Variants in CSTF3 observed in about 807,000 individuals in gnomAD.
The protein encoded by CSTF3 is CF-1 77 kDa subunit.
CSTF3 carries 29 observed loss-of-function variants against 105.8 expected under a neutral mutation model. That is an observed-to-expected ratio of 0.27 (90% CI 0.20 to 0.37). CSTF3 has a LOEUF of 0.37. Among genes scored for constraint, CSTF3 ranks in the 10% least tolerant of loss-of-function variants. The pLI is 1.00. For synonymous variants in CSTF3, 252 were observed against 281.9 expected (o/e 0.89, Z 1.06); for missense variants, 357 against 879.3 (o/e 0.41, Z 7.51).
intron 8 of CSTF3, among the ~76,000 whole-genome samples, chr11:33,103,784 T>A (rs183819155): frequency 6.6e-5 from 10 of 151,840 alleles, no homozygotes; most frequent in Non-Finnish European, 1.3e-4. Flanking sequence ...AAAAAAAAAA[T>A]ATGTACAGAT....
At chr11:33,135,373 T>C (rs1855642997) in intron 3 of CSTF3, among the ~76,000 whole-genome samples, 1 of 152,122 alleles carries the variant, frequency 6.6e-6, no homozygotes, top group South Asian at 2.1e-4. Flanking sequence ...AACTATAAAA[T>C]TTACTGACAG....
At chr11:33,123,789 A>G (rs1855516946) in intron 3 of CSTF3, among the ~76,000 whole-genome samples, 1 of 152,086 alleles carries the variant, frequency 6.6e-6, no homozygotes, top group Admixed American at 6.5e-5. Context: ...GATTCTGAAC[A>G]TTGTCTCTGA....
chr11:33,148,357 T>G (rs908342710), intron 1 of CSTF3, among the ~76,000 whole-genome samples: 19 of 152,182 alleles, frequency 1.2e-4, no homozygotes, highest in African/African-American at 4.3e-4. Context: ...TATCAATATT[T>G]TTTAAAAACT....
chr11:33,145,156 G>C (rs1855765898), intron 1 of CSTF3, among the ~76,000 whole-genome samples: 1 of 152,128 alleles, frequency 6.6e-6, no homozygotes, highest in Admixed American at 6.5e-5. Context: ...AATGCAGCCG[G>C]ATGCAGAGGC....
chr11:33,117,650 T>C (rs1470785089), intron 3 of CSTF3, among the ~76,000 whole-genome samples: 1 of 109,544 alleles, frequency 9.1e-6, no homozygotes, highest in Non-Finnish European at 2.0e-5. Flanking sequence ...TATACTATAC[T>C]GCTCTCAGCA....
chr11:33,134,573 T>C (rs1168338422), intron 3 of CSTF3: 1 of 152,190 alleles, frequency 6.6e-6, no homozygotes. Context: ...TCATTTTGGA[T>C]ATTTAAGTTT....
chr11:33,156,136 A>G (rs1252160118), intron 1 of CSTF3, among the ~76,000 whole-genome samples: 1 of 152,242 alleles, frequency 6.6e-6, no homozygotes, highest in Non-Finnish European at 1.5e-5. Flanking sequence ...CAGTTTCCTA[A>G]GAAATATCAA....
chr11:33,161,255 T>A, intron 1 of CSTF3, 44 bp downstream of exon 1: 1 of 1,610,636 alleles, frequency 6.2e-7, no homozygotes, highest in Non-Finnish European at 8.5e-7. Flanking sequence ...GGAACAGACG[T>A]GGAGAAGAGG....
intron 3 of CSTF3, among the ~76,000 whole-genome samples, chr11:33,138,774 T>C (rs1213022730): frequency 6.6e-6 from 1 of 151,734 alleles, no homozygotes; most frequent in African/African-American, 2.4e-5. Flanking sequence ...GAATAAAGAG[T>C]AGAACAATGT....
intron 17 of CSTF3, among the ~76,000 whole-genome samples, chr11:33,089,358 AAGAC>A (rs956099060): frequency 3.3e-5 from 5 of 151,964 alleles, no homozygotes; most frequent in Non-Finnish European, 7.4e-5. Context: ...AAAAAAAAAA[AAGAC>A]AGAAACGATG....
At chr11:33,120,271 GGAAA>G (rs1252721711) in intron 3 of CSTF3, among the ~76,000 whole-genome samples, 10 of 151,142 alleles carry the variant, frequency 6.6e-5, no homozygotes, top group African/African-American at 2.4e-4. Context: ...GCTACCATGT[GGAAA>G]AAACAAGCTA....
intron 3 of CSTF3, among the ~76,000 whole-genome samples, chr11:33,117,088 A>T (rs910866115): frequency 6.6e-6 from 1 of 152,034 alleles, no homozygotes; most frequent in African/African-American, 2.4e-5. Flanking sequence ...TTAAAGATGC[A>T]TATTTGTCAT....
At chr11:33,126,993 T>G (rs1855549749) in intron 3 of CSTF3, among the ~76,000 whole-genome samples, 1 of 152,188 alleles carries the variant, frequency 6.6e-6, no homozygotes. Context: ...AGTTAACATT[T>G]TTGTAGATCT....
intron 5 of CSTF3, 91 bp downstream of exon 5, chr11:33,107,812 C>A (rs973787228): frequency 2.7e-5 from 18 of 674,816 alleles, no homozygotes; most frequent in African/African-American, 5.6e-5. Flanking sequence ...ATAATTCTTC[C>A]CACTTGGGGC....
intron 1 of CSTF3, among the ~76,000 whole-genome samples, chr11:33,159,726 T>C (rs1172422448): frequency 1.3e-5 from 2 of 151,784 alleles, no homozygotes; most frequent in African/African-American, 2.4e-5. Flanking sequence ...TGAGCTGTGA[T>C]GGCGTCACAG....
Position 33,092,357 on chromosome 11 carries a change from G to T in CSTF3, c.1376-17C>A, listed in dbSNP as rs771452356. 3.4e-6 allele frequency: 5 copies of T among 1,473,118 alleles called. No homozygotes were observed. Among genetic ancestry groups the T allele is most frequent in the East Asian group, 2.5e-5 (1 of 40,126 alleles). 91.3% of individuals were successfully genotyped at this position (1,473,118 alleles called of 1,614,324 possible). A position where few individuals can be genotyped will look rare whatever the true frequency, so the allele number is the denominator to read the frequency against. The stretch of plus-strand genomic sequence containing the variant: ...TATTGTCCTCTAGGATATTGAAAAA[G>T]ATTTTAATTTTTTTAATTCACTTTT... On this transcript the variant is annotated splice_polypyrimidine_tract_variant and intron_variant, in intron 15 of 20. Transcript: ENST00000323959.
intron 8 of CSTF3, among the ~76,000 whole-genome samples, 169 bp from the exon 9 acceptor site, chr11:33,103,353 CATT>C (rs1855297492): frequency 6.6e-6 from 1 of 152,076 alleles, no homozygotes; most frequent in African/African-American, 2.4e-5. Context: ...GGTTCAATCA[CATT>C]ATACATTTCC....
chr11:33,154,841 G>A (rs1407200420), intron 1 of CSTF3, among the ~76,000 whole-genome samples: 1 of 151,970 alleles, frequency 6.6e-6, no homozygotes, highest in Admixed American at 6.6e-5. Flanking sequence ...CCATTCATAT[G>A]CCCAGATAAT....
chr11:33,147,009 TA>T (rs1454810942), intron 1 of CSTF3, among the ~76,000 whole-genome samples: 1 of 151,514 alleles, frequency 6.6e-6, no homozygotes, highest in Non-Finnish European at 1.5e-5. Flanking sequence ...CTACAAAAAA[TA>T]TAAAAATTAG....
Sources: gnomAD v4.1 joint callset for allele counts (sites outside exome capture counted in the v4.1 genomes callset) on GRCh38, gnomAD v4.1.1 for gene constraint, MANE v1.5 for transcripts, NCBI Gene and HGNC (gene_info 2026-07-23, HGNC 2026-07-21) for gene names.